The following MAB21L3 variants were observed in gnomAD, a reference collection of about 807,000 sequenced individuals.
MAB21L3 encodes protein mab-21-like 3.
A neutral mutation model predicts 37.7 loss-of-function variants in MAB21L3; 36 were observed. The ratio of observed to expected loss-of-function variants is 0.96; its 90% CI spans 0.73 to 1.26. The LOEUF is 1.26. Ranked by LOEUF, MAB21L3 falls within the 50% of genes most tolerant of loss-of-function variation. The pLI is 0.00. For synonymous variants in MAB21L3, 186 were observed against 176.8 expected, an observed-to-expected ratio of 1.05 and a Z score of -0.41; for missense variants, 430 against 447.3, an observed-to-expected ratio of 0.96 and a Z score of 0.35.
intron 5 of MAB21L3, among the ~76,000 whole-genome samples, chr1:116,125,673 T>C (rs1404788416): frequency 1.4e-5 from 2 of 145,546 alleles, no homozygotes; most frequent in South Asian, 2.1e-4. Flanking sequence ...ATAATGGTAA[T>C]AGTTTATGTT....
At chr1:116,132,453 G>A (rs1570815110) in intron 7 of MAB21L3, among the ~76,000 whole-genome samples, 2 of 152,180 alleles carry the variant, frequency 1.3e-5, no homozygotes, top group Admixed American at 1.3e-4. Context: ...GGCTGACAAA[G>A]GCCTATTAGA....
In MAB21L3 at chr1:116,136,656, T is replaced by C. The variant is rs1660204904; in HGVS notation, c.*3291T>C. Among the ~76,000 whole-genome samples, 2 of 152,166 alleles carry C rather than the reference T, an allele frequency of 1.3e-5. No individual in the cohort carries two copies. The highest frequency in any genetic ancestry group is 2.4e-5 in the African/African-American group (1 of 41,436). ...GTTCATATGGAACCAAAAAAGAGCC[T>C]GCATTGCCAAGTCAATTCTAAGCCA... is the stretch of plus-strand genomic sequence containing the variant. On this transcript the variant is annotated 3_prime_UTR_variant, in exon 8 of 8. Transcript: ENST00000369500.
chr1:116,112,772 G>T, intron 3 of MAB21L3, 109 bp downstream of exon 3: 1 of 1,116,218 alleles, frequency 9.0e-7, no homozygotes, highest in Non-Finnish European at 1.3e-6. Flanking sequence ...CACATAAAAT[G>T]CTCCTCAGAA....
At chr1:116,118,177 A>T (rs1014189971) in intron 3 of MAB21L3, among the ~76,000 whole-genome samples, 24 of 152,056 alleles carry the variant, frequency 1.6e-4, no homozygotes, top group Non-Finnish European at 8.8e-5. Context: ...AGGTCAGGAG[A>T]TTGACACCAT....
rs772966128 is a variant in MAB21L3, at chr1:116,127,483, G to A, written c.499G>A (p.Gly167Arg). 7.4e-6 allele frequency: 12 copies of A among 1,613,934 alleles called. No homozygotes were observed. Among genetic ancestry groups the A allele is most frequent in the Non-Finnish European group, 1.0e-5 (12 of 1,179,888 alleles). Residue 167 changes from glycine to arginine, a missense_variant, in exon 6 of 8, where the codon GGA becomes AGA. Coordinates refer to ENST00000369500, the MANE Select transcript of MAB21L3 (RefSeq NM_152367.3). ...CHLSGKVSLL[G>R]NRSAVWVAVE... ...CCCACCAGGTAAGGTCAGCCTGCTA[G>A]GAAACCGCTCTGCAGTTTGGGTTGC...
chr1:116,121,091 C>G lies in MAB21L3; in HGVS notation c.189+19C>G. 6.2e-7 allele frequency: 1 copy of G among 1,608,036 alleles called. No homozygotes were observed. Among genetic ancestry groups the G allele is most frequent in the Non-Finnish European group, 8.5e-7 (1 of 1,176,506 alleles). On this transcript the variant is annotated intron_variant, in intron 4 of 7. Transcript: ENST00000369500. ...TATTAAGGTAAGCAAGTCTTGCTGT[C>G]TCTAAGTGCCACCAACAGAGCCAGG...
intron 3 of MAB21L3, among the ~76,000 whole-genome samples, chr1:116,120,432 A>AGACAAAC (rs1659712065): frequency 9.1e-6 from 1 of 109,736 alleles, no homozygotes; most frequent in African/African-American, 6.7e-5. Flanking sequence ...CACACACACA[A>AGACAAAC]ACACACACAC....
rs567480344 is a variant in MAB21L3, at chr1:116,137,838, T to C, written c.*4473T>C. On this transcript the variant is annotated 3_prime_UTR_variant, in exon 8 of 8. Coordinates refer to ENST00000369500, the MANE Select transcript of MAB21L3 (RefSeq NM_152367.3). ...GTCCTTTGTAGGGACATGGGTGAAA[T>C]TGGAAATCATCATTCTCAGTAAACT... Among the ~76,000 whole-genome samples the C allele has an allele frequency of 2.6e-5, 4 of 151,012 alleles. No homozygotes were observed. Among genetic ancestry groups the C allele is most frequent in the South Asian group, 2.1e-4 (1 of 4,754 alleles).
At chr1:116,128,469 C>A in intron 7 of MAB21L3, 130 bp downstream of exon 7, 1 of 809,140 alleles carries the variant, frequency 1.2e-6, no homozygotes, top group South Asian at 2.1e-5. Context: ...GGATGAGGTT[C>A]TAGTATCTAT....
chr1:116,118,562 C>T (rs1404367152), intron 3 of MAB21L3, among the ~76,000 whole-genome samples: 1 of 152,210 alleles, frequency 6.6e-6, no homozygotes, highest in Non-Finnish European at 1.5e-5. Context: ...GGGGCCTTAA[C>T]TCACTCAAGC....
In MAB21L3 at chr1:116,133,152, C is replaced by A. The variant is rs746852373; in HGVS notation, c.876C>A (p.Cys292Ter). Residue 292 changes from cysteine (C) to a stop codon, truncating the protein, a stop_gained, in exon 8 of 8, where the codon TGC (cysteine) becomes TGA (stop). Transcript: ENST00000369500. LOFTEE classifies it high-confidence loss of function. ...HHLQTVLFWT[C>*]EKYPHFKDWQ... ...CACAGACTGTGCTCTTTTGGACCTG[C>A]GAGAAATATCCCCACTTTAAAGACT... 7.4e-6 allele frequency: 12 copies of A among 1,614,120 alleles called. No homozygotes were observed. The highest frequency in any genetic ancestry group is 3.3e-5 in the Admixed American group (2 of 60,016).
intron 3 of MAB21L3, among the ~76,000 whole-genome samples, chr1:116,120,151 C>T (rs962615843): frequency 2.0e-5 from 3 of 152,054 alleles, no homozygotes; most frequent in African/African-American, 4.8e-5. Flanking sequence ...AAACTCACCT[C>T]CTATCACTTT....
At chr1:116,120,895 G>A (rs571107641) in intron 3 of MAB21L3, 37 bp from the exon 4 acceptor site, 1 of 1,610,580 alleles carries the variant, frequency 6.2e-7, no homozygotes, top group Non-Finnish European at 8.5e-7. Flanking sequence ...GGCCCACAGA[G>A]GAAATAACCA....
In MAB21L3 at chr1:116,135,863, A is replaced by G. The variant is rs1280798567; in HGVS notation, c.*2498A>G. 2.6e-5 allele frequency among the ~76,000 whole-genome samples: 4 copies of G among 151,098 alleles called. No individual in the cohort carries two copies. The highest frequency in any genetic ancestry group is 9.7e-5 in the African/African-American group (4 of 41,140). On this transcript the variant is annotated 3_prime_UTR_variant, in exon 8 of 8. Transcript: ENST00000369500. Reference sequence around the variant, plus strand: ...AAATGTAATCCAGCATATAAACAGAACCAAAGACAAAAACCACATGATTAT... The same window carrying G: ...AAATGTAATCCAGCATATAAACAGAGCCAAAGACAAAAACCACATGATTAT...
intron 3 of MAB21L3, among the ~76,000 whole-genome samples, chr1:116,118,378 C>CA (rs71686471): frequency 0.051 from 7,335 of 143,386 alleles, 338 homozygotes; most frequent in African/African-American, 0.13. Flanking sequence ...GAGAATCCAT[C>CA]AAAAAAAAAA....
chr1:116,122,315 A>G (rs970875247), intron 4 of MAB21L3, among the ~76,000 whole-genome samples: 1 of 152,136 alleles, frequency 6.6e-6, no homozygotes, highest in Non-Finnish European at 1.5e-5. Flanking sequence ...CAACTCTACC[A>G]CCCAAGCCAA....
Position 116,135,312 on chromosome 1 carries a change from C to A in MAB21L3, c.*1947C>A. 6.6e-6 allele frequency: 1 copy of A among 152,074 alleles called. No homozygotes were observed. Among genetic ancestry groups the A allele is most frequent in the East Asian group, 1.9e-4 (1 of 5,198 alleles). The allele number at this position is 152,074 out of a possible 1,614,324, so 9.4% of individuals were successfully genotyped here. ...AAAGGGGATATCACCACCGATCCCA[C>A]AGAAATACAAACTACCATCAGAGAA... is the stretch of plus-strand genomic sequence containing the variant. On this transcript the variant is annotated 3_prime_UTR_variant, in exon 8 of 8. Transcript: ENST00000369500.
Position 116,134,490 on chromosome 1 carries a change from G to A in MAB21L3, c.*1125G>A, listed in dbSNP as rs1273302125. On this transcript the variant is annotated 3_prime_UTR_variant, in exon 8 of 8. Coordinates refer to ENST00000369500, the MANE Select transcript of MAB21L3 (RefSeq NM_152367.3). Reference sequence around the variant, plus strand: ...AGAGTCCACAGAAAGGTCCCCGAAGGATGAAAATGCAAATAGCTGAAGGGG... The same window carrying A: ...AGAGTCCACAGAAAGGTCCCCGAAGAATGAAAATGCAAATAGCTGAAGGGG... The A allele has an allele frequency of 2.6e-5, 4 of 152,268 alleles. No individual in the cohort carries two copies. The highest frequency in any genetic ancestry group is 4.4e-5 in the Non-Finnish European group (3 of 68,060). The allele number at this position is 152,268 out of a possible 1,614,324, so 9.4% of individuals were successfully genotyped here. A position where few individuals can be genotyped will look rare whatever the true frequency, so the allele number is the denominator to read the frequency against.
chr1:116,128,926 T>C (rs1659989326), intron 7 of MAB21L3, among the ~76,000 whole-genome samples: 2 of 152,194 alleles, frequency 1.3e-5, no homozygotes, highest in African/African-American at 4.8e-5. Flanking sequence ...CTGCCTCTCC[T>C]TGCCCTAAAC....
Sources: allele counts gnomAD v4.1 joint callset (sites outside exome capture counted in the v4.1 genomes callset), GRCh38; gene constraint gnomAD v4.1.1; transcripts MANE v1.5; gene names NCBI Gene and HGNC (gene_info 2026-07-23, HGNC 2026-07-21).